Variants in PTCHD4 observed in about 807,000 individuals in gnomAD.
The protein encoded by PTCHD4 is patched domain-containing protein 4.
Under a neutral mutation model 58.1 loss-of-function variants are expected in PTCHD4, and 33 were observed. That is an observed-to-expected ratio of 0.57 (90% CI 0.43 to 0.76). PTCHD4 has a LOEUF of 0.76. Among genes scored for constraint, PTCHD4 ranks in the 30% least tolerant of loss-of-function variants. The pLI, the probability that PTCHD4 is intolerant of heterozygous loss-of-function variation, is 0.00. For missense variants in PTCHD4, 1,058 were observed against 1,027.1 expected, an observed-to-expected ratio of 1.03 and a Z score of -0.41; for synonymous variants, 478 against 409.6, an observed-to-expected ratio of 1.17 and a Z score of -2.02.
In PTCHD4 at chr6:47,865,505, A is replaced by G. The variant is rs977965090; in HGVS notation, c.*12798T>C. On this transcript the variant is annotated 3_prime_UTR_variant, in exon 5 of 5. Coordinates refer to ENST00000339488, the MANE Select transcript of PTCHD4 (RefSeq NM_001384253.1). ...AATAGATCACACAGAGCTAATAACTAGTTACTGTTATACCACATTAAATTC... is the reference window on the plus strand; with the variant it reads ...AATAGATCACACAGAGCTAATAACTGGTTACTGTTATACCACATTAAATTC... Among the ~76,000 whole-genome samples the G allele has an allele frequency of 1.3e-5, 2 of 151,938 alleles. No homozygotes were observed. The highest frequency in any genetic ancestry group is 3.9e-4 in the East Asian group (2 of 5,154).
rs1468312970 is a variant in PTCHD4 at position 47,869,299 on chromosome 6, T to C, written c.*9004A>G. 6.6e-6 allele frequency among the ~76,000 whole-genome samples: 1 copy of C among 151,768 alleles called. No individual in the cohort carries two copies. The highest frequency in any genetic ancestry group is 2.4e-5 in the African/African-American group (1 of 41,380). ...CGTGCAGCCAAAGGGATGTGCTTTG[T>C]GATTAATCTCTGGGTACTACTGAGG... is the stretch of plus-strand genomic sequence containing the variant. On this transcript the variant is annotated 3_prime_UTR_variant, in exon 5 of 5. Coordinates refer to ENST00000339488, the MANE Select transcript of PTCHD4 (RefSeq NM_001384253.1).
chr6:47,996,196 G>C lies in PTCHD4; in HGVS notation c.898+12438C>G, dbSNP rs899768980. Among the ~76,000 whole-genome samples the C allele has an allele frequency of 4.6e-5, 7 of 152,242 alleles. No homozygotes were observed. The East Asian group carries it at 1.2e-3, about 25-fold the overall frequency. On this transcript the variant is annotated intron_variant, in intron 4 of 4. Coordinates refer to ENST00000339488, the MANE Select transcript of PTCHD4 (RefSeq NM_001384253.1). ...GAATCAGGAGAGAGTGGCTGGGCGC[G>C]GTGGCTCATGCCTGTAATCCCAGCA...
rs778667025 is a variant in PTCHD4, at chr6:48,008,781, T to C, written c.751A>G (p.Met251Val). The C allele has an allele frequency of 6.2e-6, 10 of 1,613,844 alleles. No individual in the cohort carries two copies. The highest frequency in any genetic ancestry group is 1.7e-5 in the Admixed American group (1 of 59,966). ...ILTTATLSSS[M>V]KDCLRSKPFL... Reference sequence around the variant, plus strand: ...GGCTTACTGCGCAAGCAGTCCTTCATGGAGCTGGAGAGGGTGGCTGTGGTC... The same window carrying C: ...GGCTTACTGCGCAAGCAGTCCTTCACGGAGCTGGAGAGGGTGGCTGTGGTC... The change falls in exon 4 of 5, where the codon ATG (methionine) becomes GTG (valine). Residue 251 changes from methionine (M) to valine (V), a missense_variant. By Grantham distance (21) the Met-to-Val change is conservative. Coordinates refer to ENST00000339488, the MANE Select transcript of PTCHD4 (RefSeq NM_001384253.1).
chr6:48,013,708 C>T (rs1392149196), intron 3 of PTCHD4, among the ~76,000 whole-genome samples: 1 of 152,030 alleles, frequency 6.6e-6, no homozygotes, highest in African/African-American at 2.4e-5. Context: ...TGAAATCCCA[C>T]TTTGATGTGG....
At chr6:47,885,209 G>A (rs145091461) in intron 4 of PTCHD4, among the ~76,000 whole-genome samples, 61 of 152,174 alleles carry the variant, frequency 4.0e-4, no homozygotes, top group African/African-American at 1.3e-3. Flanking sequence ...GTAAAAAAGA[G>A]TTGGACAGAG....
At position 47,878,900 on chromosome 6, in the gene PTCHD4, G is replaced by A; in HGVS notation, c.1935C>T (p.Val645=). 6.2e-7 allele frequency: 1 copy of A among 1,613,574 alleles called. No individual in the cohort carries two copies. The highest frequency in any genetic ancestry group is 1.1e-5 in the South Asian group (1 of 91,082). ...IRFIVFNPSF[V]FMDHYSLSVT... ...CAGACAAGCTGTAATGGTCCATGAA[G>A]ACAAAGGAGGGGTTGAACACGATGA... is the stretch of plus-strand genomic sequence containing the variant. Residue 645 remains valine (V), a synonymous_variant, in exon 5 of 5, where the codon GTC becomes GTT. Coordinates refer to ENST00000339488, the MANE Select transcript of PTCHD4 (RefSeq NM_001384253.1).
In PTCHD4 at chr6:47,877,908, G is replaced by C. The variant is rs1413040596; in HGVS notation, c.*395C>G. On this transcript the variant is annotated 3_prime_UTR_variant, in exon 5 of 5. Coordinates refer to ENST00000339488, the MANE Select transcript of PTCHD4 (RefSeq NM_001384253.1). ...CCTGTTCAAAAAACAAGCATGAAAA[G>C]TGCCATGGCACATTTCCCATGTCTT... 6.2e-6 allele frequency: 1 copy of C among 161,958 alleles called. No homozygotes were observed. The highest frequency in any genetic ancestry group is 1.8e-4 in the East Asian group (1 of 5,408). 10.0% of individuals were successfully genotyped at this position (161,958 alleles called of 1,614,324 possible). A position where few individuals can be genotyped will look rare whatever the true frequency, so the allele number is the denominator to read the frequency against.
chr6:48,038,347 G>A (rs1266000864), intron 3 of PTCHD4, among the ~76,000 whole-genome samples: 6 of 152,010 alleles, frequency 3.9e-5, no homozygotes, highest in Non-Finnish European at 5.9e-5. Context: ...AAGGAAGAAA[G>A]TGAATCTCTA....
chr6:47,936,671 A>G (rs549214758), intron 4 of PTCHD4, among the ~76,000 whole-genome samples: 2 of 152,324 alleles, frequency 1.3e-5, no homozygotes, highest in African/African-American at 4.8e-5. Flanking sequence ...CATTTTTTAA[A>G]CATCTATTGT....
intron 3 of PTCHD4, among the ~76,000 whole-genome samples, chr6:48,010,025 A>G (rs1762609347): frequency 6.6e-6 from 1 of 152,218 alleles, no homozygotes; most frequent in Non-Finnish European, 1.5e-5. Flanking sequence ...GTGCCCCAAC[A>G]TGAAGAAAGA....
Position 47,879,295 on chromosome 6 carries a change from G to T in PTCHD4, c.1540C>A (p.Pro514Thr). Residue 514 changes from proline (P) to threonine (T), a missense_variant, in exon 5 of 5, where the codon CCT (proline) becomes ACT (threonine). Coordinates refer to ENST00000339488, the MANE Select transcript of PTCHD4 (RefSeq NM_001384253.1). ...TCATAGACGTAGAATCCTATCACAGGGCTATAGTTGCTGAAATATTTCTGC... is the reference window on the plus strand; with the variant it reads ...TCATAGACGTAGAATCCTATCACAGTGCTATAGTTGCTGAAATATTTCTGC... ...VQQKYFSNYS[P>T]VIGFYVYEPL... 6.2e-7 allele frequency: 1 copy of T among 1,612,584 alleles called. No individual in the cohort carries two copies. Among genetic ancestry groups the T allele is most frequent in the Non-Finnish European group, 8.5e-7 (1 of 1,179,332 alleles).
rs1764443829 is a variant in PTCHD4 at position 48,057,239 on chromosome 6, T to C, written c.417+10991A>G. ...GCCCAAAGCTGTTGCTTGTGCCTCG[T>C]GTATCTCAGGACCACTCATGAAAAT... is the stretch of plus-strand genomic sequence containing the variant. On this transcript the variant is annotated intron_variant, in intron 3 of 4. Transcript: ENST00000339488. Among the ~76,000 whole-genome samples the C allele has an allele frequency of 2.0e-5, 3 of 151,670 alleles. No homozygotes were observed. The South Asian group carries it at 6.3e-4, about 32-fold the overall frequency.
At chr6:48,110,991 C>T (rs1245185964) in intron 1 of PTCHD4, among the ~76,000 whole-genome samples, 58 bp downstream of exon 1, 1 of 151,962 alleles carries the variant, frequency 6.6e-6, no homozygotes, top group Non-Finnish European at 1.5e-5. Flanking sequence ...GATTGCCCCT[C>T]TATATCCTTT....
At chr6:47,900,047 T>A (rs1764648439) in intron 4 of PTCHD4, 1 of 152,238 alleles carries the variant, frequency 6.6e-6, no homozygotes, top group Non-Finnish European at 1.5e-5. Flanking sequence ...GATGGACATT[T>A]GGATTGTGTC....
At chr6:48,106,600 A>C (rs1322824233) in intron 1 of PTCHD4, among the ~76,000 whole-genome samples, 1 of 152,214 alleles carries the variant, frequency 6.6e-6, no homozygotes, top group Non-Finnish European at 1.5e-5. Flanking sequence ...AGTTCTGGCC[A>C]GGGCAATCAG....
chr6:47,979,877 CT>C (rs762411025), intron 4 of PTCHD4, among the ~76,000 whole-genome samples: 1 of 151,966 alleles, frequency 6.6e-6, no homozygotes, highest in African/African-American at 2.4e-5. Context: ...TCATATAGTT[CT>C]TTTTGCTGTA....
chr6:47,954,524 G>A (rs910232869), intron 4 of PTCHD4, among the ~76,000 whole-genome samples: 1 of 152,202 alleles, frequency 6.6e-6, no homozygotes, highest in Non-Finnish European at 1.5e-5. Context: ...CTGTTCTTAT[G>A]AAACCTGTGT....
intron 4 of PTCHD4, among the ~76,000 whole-genome samples, chr6:47,913,667 C>T (rs1483192311): frequency 1.3e-5 from 2 of 152,156 alleles, no homozygotes; most frequent in Non-Finnish European, 1.5e-5. Flanking sequence ...GCAGTGACCC[C>T]AGTGCACAGA....
intron 4 of PTCHD4, among the ~76,000 whole-genome samples, chr6:47,966,371 G>T (rs980783512): frequency 6.6e-6 from 1 of 152,192 alleles, no homozygotes; most frequent in Non-Finnish European, 1.5e-5. Context: ...TTGGTAAAAA[G>T]TGCTAATGAT....
Sources: gnomAD v4.1 joint callset for allele counts (sites outside exome capture counted in the v4.1 genomes callset) on GRCh38, gnomAD v4.1.1 for gene constraint, MANE v1.5 for transcripts, NCBI Gene and HGNC (gene_info 2026-07-23, HGNC 2026-07-21) for gene names.